TEX36: variants seen among roughly 807,000 people sequenced by gnomAD.
TEX36 encodes testis-expressed protein 36.
In TEX36, 12 loss-of-function variants were observed where a neutral mutation model predicts 13.6. The observed-to-expected ratio is 0.88, with a 90% CI of 0.56 to 1.43. TEX36 has a LOEUF of 1.43. Ranked by LOEUF, TEX36 falls within the 40% of genes most tolerant of loss-of-function variation. The probability of loss-of-function intolerance (pLI) is 0.00; values close to 1 mark genes in which losing one functional copy is unlikely to be tolerated. For synonymous variants in TEX36, 93 were observed against 83.0 expected, an observed-to-expected ratio of 1.12 and a Z score of -0.65; for missense variants, 224 against 228.3, an observed-to-expected ratio of 0.98 and a Z score of 0.12.
At chr10:125,644,489 G>C (rs534663101) in intron 3 of TEX36, among the ~76,000 whole-genome samples, 1 of 152,282 alleles carries the variant, frequency 6.6e-6, no homozygotes, top group African/African-American at 2.4e-5. Context: ...TGCATATTAT[G>C]TAAATGTCAG....
At position 125,603,770 on chromosome 10, in the gene TEX36, C is replaced by T. The variant is rs544282069; in HGVS notation, c.265-26896G>A. On this transcript the variant is annotated intron_variant, in intron 3 of 3. Transcript: ENST00000532135. ...ATTGAAAATCAGAGCCACAACCTCC[C>T]CTCCCCACCCAACTCCTGCAGTCTG... is the stretch of plus-strand genomic sequence containing the variant. 2.6e-5 allele frequency among the ~76,000 whole-genome samples: 4 copies of T among 152,190 alleles called. No individual in the cohort carries two copies. The East Asian group carries it at 7.7e-4, about 29-fold the overall frequency.
At chr10:125,650,143 A>G (rs1054800008) in intron 3 of TEX36, among the ~76,000 whole-genome samples, 24 of 152,200 alleles carry the variant, frequency 1.6e-4, no homozygotes, top group Non-Finnish European at 2.5e-4. Context: ...TGCACCAAGC[A>G]GACCTAATAG....
At chr10:125,615,102 A>G (rs1846339678) in intron 3 of TEX36, among the ~76,000 whole-genome samples, 1 of 152,118 alleles carries the variant, frequency 6.6e-6, no homozygotes, top group Non-Finnish European at 1.5e-5. Context: ...TTGGTGTATA[A>G]GAATGCTTGT....
intron 1 of TEX36, among the ~76,000 whole-genome samples, chr10:125,678,293 A>G (rs1847341642): frequency 6.6e-6 from 1 of 152,184 alleles, no homozygotes; most frequent in South Asian, 2.1e-4. Flanking sequence ...TGTAACCACA[A>G]TTAGTGGTAC....
chr10:125,633,631 C>G (rs1367448976), intron 3 of TEX36, among the ~76,000 whole-genome samples: 1 of 152,162 alleles, frequency 6.6e-6, no homozygotes, highest in Non-Finnish European at 1.5e-5. Flanking sequence ...CCATGTACCT[C>G]GTATCCTGCT....
chr10:125,613,980 G>A (rs1846325211), intron 3 of TEX36, among the ~76,000 whole-genome samples: 2 of 152,180 alleles, frequency 1.3e-5, no homozygotes, highest in Admixed American at 1.3e-4. Flanking sequence ...ATTCTAACTG[G>A]TGTGAGATGG....
At chr10:125,605,849 T>G (rs1012918325) in intron 3 of TEX36, among the ~76,000 whole-genome samples, 20 of 152,122 alleles carry the variant, frequency 1.3e-4, no homozygotes, top group African/African-American at 4.8e-4. Flanking sequence ...TGATCTGCCT[T>G]CCTCAGCCTC....
At chr10:125,677,598 C>A (rs1847330624) in intron 1 of TEX36, among the ~76,000 whole-genome samples, 1 of 152,114 alleles carries the variant, frequency 6.6e-6, no homozygotes, top group African/African-American at 2.4e-5. Flanking sequence ...ATTTCTCATT[C>A]ATATCCTGAA....
chr10:125,617,477 G>T (rs544188413), downstream of TEX36, among the ~76,000 whole-genome samples: 1,111 of 152,246 alleles, frequency 7.3e-3, 16 homozygotes, highest in African/African-American at 0.025. Context: ...TTTAGGGCAG[G>T]CCTGGTGGTG....
chr10:125,639,976 G>C (rs1231305162), intron 3 of TEX36, among the ~76,000 whole-genome samples: 1 of 152,222 alleles, frequency 6.6e-6, no homozygotes, highest in Non-Finnish European at 1.5e-5. Flanking sequence ...GTTTAAAATG[G>C]CTTCAGTGAT....
At chr10:125,622,772 A>G (rs1216759627) in intron 3 of TEX36, among the ~76,000 whole-genome samples, 1 of 152,162 alleles carries the variant, frequency 6.6e-6, no homozygotes, top group African/African-American at 2.4e-5. Flanking sequence ...GTAGTAGTCG[A>G]TTTCATCTTG....
At chr10:125,636,148 T>C (rs2133571022) in intron 3 of TEX36, among the ~76,000 whole-genome samples, 1 of 152,020 alleles carries the variant, frequency 6.6e-6, no homozygotes, top group Non-Finnish European at 1.5e-5. Context: ...GTGCTGGGAT[T>C]ATAGGCGTGA....
At chr10:125,625,827 CTA>C (rs1165716405) in intron 3 of TEX36, among the ~76,000 whole-genome samples, 1 of 152,210 alleles carries the variant, frequency 6.6e-6, no homozygotes, top group African/African-American at 2.4e-5. Context: ...ATCTACCGGG[CTA>C]TGTTTCTCCA....
At chr10:125,618,913 T>C (rs1224278132), downstream of TEX36, among the ~76,000 whole-genome samples, 1 of 127,422 alleles carries the variant, frequency 7.8e-6, no homozygotes, top group Non-Finnish European at 1.6e-5. Context: ...GAGACCATCC[T>C]GGCTAACACG....
intron 1 of TEX36, among the ~76,000 whole-genome samples, chr10:125,663,424 T>C (rs1366245161): frequency 6.6e-6 from 1 of 152,212 alleles, no homozygotes; most frequent in Non-Finnish European, 1.5e-5. Context: ...GTAGTAGCAT[T>C]GCTGGATCAA....
intron 3 of TEX36, among the ~76,000 whole-genome samples, chr10:125,649,328 A>C (rs993593998): frequency 2.0e-5 from 3 of 152,216 alleles, no homozygotes; most frequent in Admixed American, 2.0e-4. Flanking sequence ...TCTACAAGCC[A>C]GAAGAGAGTG....
At chr10:125,663,477 A>G (rs1201610590) in intron 1 of TEX36, among the ~76,000 whole-genome samples, 2 of 152,130 alleles carry the variant, frequency 1.3e-5, no homozygotes, top group African/African-American at 4.8e-5. Context: ...TCTCCATACT[A>G]TTTTCCATAG....
At chr10:125,594,005 G>A (rs527530908) in intron 3 of TEX36, among the ~76,000 whole-genome samples, 11 of 152,340 alleles carry the variant, frequency 7.2e-5, no homozygotes, top group Non-Finnish European at 1.3e-4. Flanking sequence ...AGAGGAACAC[G>A]GAGTAGCACA....
At chr10:125,640,584 T>C (rs963073666) in intron 3 of TEX36, among the ~76,000 whole-genome samples, 3 of 152,180 alleles carry the variant, frequency 2.0e-5, no homozygotes, top group South Asian at 2.1e-4. Flanking sequence ...TGGGTACTTA[T>C]AAAGGCAATA....
Sources: gnomAD v4.1 joint callset for allele counts (sites outside exome capture counted in the v4.1 genomes callset) on GRCh38, gnomAD v4.1.1 for gene constraint, MANE v1.5 for transcripts, NCBI Gene and HGNC (gene_info 2026-07-23, HGNC 2026-07-21) for gene names.